The following LRRC37A2 variants were observed in gnomAD, a reference collection of about 807,000 sequenced individuals.
The protein encoded by LRRC37A2 is leucine-rich repeat-containing protein 37A2.
In LRRC37A2, 9 loss-of-function variants were observed where a neutral mutation model predicts 68.8. The observed-to-expected ratio is 0.13, with a 90% confidence interval of 0.08 to 0.23. LRRC37A2 has a LOEUF of 0.23. Ranked by LOEUF, LRRC37A2 falls within the 10% of genes least tolerant of loss-of-function variation. LRRC37A2 has a pLI of 1.00. For synonymous variants in LRRC37A2, 63 were observed against 367.6 expected (o/e 0.17, Z 9.48); for missense variants, 168 against 950.4 (o/e 0.18, Z 10.82).
the LRRC37A2 span, among the ~76,000 whole-genome samples, chr17:46,877,355 C>A: frequency 6.6e-6 from 1 of 152,166 alleles, no homozygotes; most frequent in African/African-American, 2.4e-5. Context: ...AGATCTGTGC[C>A]CTGGAGCCCT....
chr17:46,642,386 AT>A, the LRRC37A2 span, among the ~76,000 whole-genome samples: 1 of 131,440 alleles, frequency 7.6e-6, no homozygotes, highest in African/African-American at 3.2e-5. Flanking sequence ...TTATTACTTT[AT>A]TTTTTGTTTA....
the LRRC37A2 span, among the ~76,000 whole-genome samples, chr17:46,995,889 G>T: frequency 1.1e-4 from 16 of 152,176 alleles, 1 homozygote; most frequent in Admixed American, 6.5e-5. Context: ...AGGAGGAGGG[G>T]CCTGGCCTGC....
chr17:46,874,967 T>G, the LRRC37A2 span: 3 of 1,393,424 alleles, frequency 2.2e-6, no homozygotes, highest in Non-Finnish European at 3.1e-6. Context: ...TCAAGCCACA[T>G]TCTCTTGTCC....
At chr17:46,490,960 T>C in the LRRC37A2 span, among the ~76,000 whole-genome samples, 1 of 150,206 alleles carries the variant, frequency 6.7e-6, no homozygotes, top group African/African-American at 2.5e-5. Context: ...AGTGGCGCGA[T>C]CTCGGCTCAC....
the LRRC37A2 span, among the ~76,000 whole-genome samples, chr17:46,896,809 C>T: frequency 2.0e-5 from 3 of 152,272 alleles, no homozygotes; most frequent in Middle Eastern, 3.4e-3. Context: ...TGGATTCCAG[C>T]GCCCAAGCAG....
the LRRC37A2 span, among the ~76,000 whole-genome samples, chr17:46,866,878 G>T: frequency 4.6e-5 from 7 of 152,176 alleles, no homozygotes; most frequent in Non-Finnish European, 8.8e-5. Flanking sequence ...GAAGAACAGG[G>T]CTTGGGGTCC....
chr17:46,880,615 A>G, the LRRC37A2 span, among the ~76,000 whole-genome samples: 1 of 152,208 alleles, frequency 6.6e-6, no homozygotes, highest in East Asian at 1.9e-4. Context: ...TGGTCCCCGT[A>G]ATGGATAAGG....
the LRRC37A2 span, among the ~76,000 whole-genome samples, chr17:46,727,897 G>A: frequency 6.6e-6 from 1 of 152,190 alleles, no homozygotes; most frequent in Non-Finnish European, 1.5e-5. Context: ...TCTGGTAGAA[G>A]TATTAGAGTC....
the LRRC37A2 span, among the ~76,000 whole-genome samples, chr17:46,847,396 C>G: frequency 6.6e-6 from 1 of 152,204 alleles, no homozygotes. Flanking sequence ...AATCATGGCC[C>G]ACATGCTACC....
the LRRC37A2 span, chr17:46,769,789 G>A: frequency 6.2e-7 from 1 of 1,610,924 alleles, no homozygotes; most frequent in Non-Finnish European, 8.5e-7. Flanking sequence ...TCACCGTGCG[G>A]CCCGCCTCGT....
chr17:47,006,288 G>C, the LRRC37A2 span, among the ~76,000 whole-genome samples: 1 of 152,126 alleles, frequency 6.6e-6, no homozygotes, highest in African/African-American at 2.4e-5. Flanking sequence ...CTGAAATTTA[G>C]AGAACTCTAC....
At chr17:46,884,079 G>A in the LRRC37A2 span, among the ~76,000 whole-genome samples, 1 of 152,042 alleles carries the variant, frequency 6.6e-6, no homozygotes, top group Non-Finnish European at 1.5e-5. Flanking sequence ...CCCAGCGTCC[G>A]AATTCCTGCC....
chr17:46,818,605 G>A, the LRRC37A2 span: 1 of 1,591,352 alleles, frequency 6.3e-7, no homozygotes, highest in Non-Finnish European at 8.6e-7. Context: ...CATTAGAAGA[G>A]GCGCCGAGGA....
the LRRC37A2 span, among the ~76,000 whole-genome samples, chr17:46,993,679 A>G: frequency 6.6e-6 from 1 of 152,236 alleles, no homozygotes; most frequent in East Asian, 1.9e-4. Context: ...CACAACCTGT[A>G]TCCCCTACTC....
At chr17:46,795,427 T>C in the LRRC37A2 span, among the ~76,000 whole-genome samples, 1 of 152,092 alleles carries the variant, frequency 6.6e-6, no homozygotes, top group Non-Finnish European at 1.5e-5. Flanking sequence ...CTCTGGGGTC[T>C]GAGAAGACCA....
chr17:46,498,659 G>A, the LRRC37A2 span, among the ~76,000 whole-genome samples: 26,824 of 139,408 alleles, frequency 0.19, 2,516 homozygotes, highest in East Asian at 0.38. Flanking sequence ...ATGTGTTGGC[G>A]GAAGTTCTGC....
chr17:46,850,678 A>G, the LRRC37A2 span, among the ~76,000 whole-genome samples: 1 of 152,226 alleles, frequency 6.6e-6, no homozygotes, highest in Non-Finnish European at 1.5e-5. Context: ...CTTTCTAGAC[A>G]GGTACCACGC....
At chr17:46,974,348 C>A in the LRRC37A2 span, among the ~76,000 whole-genome samples, 1 of 152,228 alleles carries the variant, frequency 6.6e-6, no homozygotes, top group Non-Finnish European at 1.5e-5. Flanking sequence ...TGAGCTTGGA[C>A]AAGATCAGTA....
chr17:46,847,946 C>T, the LRRC37A2 span, among the ~76,000 whole-genome samples: 2 of 148,528 alleles, frequency 1.3e-5, no homozygotes, highest in East Asian at 2.0e-4. Flanking sequence ...CTTTCAGCCT[C>T]ATCATGTTTG....
Sources: allele counts gnomAD v4.1 joint callset (sites outside exome capture counted in the v4.1 genomes callset), GRCh38; gene constraint gnomAD v4.1.1; transcripts MANE v1.5; gene names NCBI Gene and HGNC (gene_info 2026-07-23, HGNC 2026-07-21).